BAHCC1: variants seen among roughly 807,000 people sequenced by gnomAD.
The protein encoded by BAHCC1 is BAH domain and coiled-coil containing 1, also known as BAH and coiled-coil domain-containing protein 1.
BAHCC1 carries 43 observed loss-of-function variants against 88.2 expected under a neutral mutation model. That is an observed-to-expected ratio of 0.49 (90% CI 0.38 to 0.63). BAHCC1 has a LOEUF of 0.63. Ranked by LOEUF, BAHCC1 falls within the 20% of genes least tolerant of loss-of-function variation. BAHCC1 has a pLI of 0.00. For synonymous variants in BAHCC1, 1,510 were observed against 745.5 expected, an observed-to-expected ratio of 2.03 and a Z score of -16.71; for missense variants, 3,023 against 1,654.8, an observed-to-expected ratio of 1.83 and a Z score of -14.34.
At chr17:81,438,924 C>G (rs868973187) in intron 4 of BAHCC1, among the ~76,000 whole-genome samples, 1 of 152,156 alleles carries the variant, frequency 6.6e-6, no homozygotes, top group African/African-American at 2.4e-5. Flanking sequence ...CTTACACACC[C>G]GGTGGCCTCG....
Position 81,434,354 on chromosome 17 carries a change from C to T in BAHCC1, c.359-4016C>T, listed in dbSNP as rs915617528. On this transcript the variant is annotated intron_variant, in intron 3 of 27. Coordinates refer to ENST00000675386, the MANE Select transcript of BAHCC1 (RefSeq NM_001377448.1). This position sits in a 1 kb window ranked among gnomAD's most constrained non-coding sequence, Gnocchi z 4.9. ...GGTGGTACTGCAGTGGGAGACAGGT[C>T]GAGGCTCAGCCGTGGGAGGCCAGCG... Among the ~76,000 whole-genome samples the T allele has an allele frequency of 1.3e-5, 2 of 152,140 alleles. No individual in the cohort carries two copies. Among genetic ancestry groups the T allele is most frequent in the Non-Finnish European group, 2.9e-5 (2 of 68,008 alleles).
At chr17:81,428,925 CCTGGCGTCTGGGCCT>C (rs1181286739) in intron 3 of BAHCC1, among the ~76,000 whole-genome samples, 3 of 152,226 alleles carry the variant, frequency 2.0e-5, no homozygotes, top group Non-Finnish European at 4.4e-5. Flanking sequence ...GACGTGAGCC[CCTGGCGTCTGGGCCT>C]CTGAGCCCCT....
rs555447376 is a variant in BAHCC1 at position 81,435,164 on chromosome 17, C to T, written c.359-3206C>T. Among the ~76,000 whole-genome samples the T allele has an allele frequency of 3.8e-4, 58 of 152,218 alleles. No homozygotes were observed. In the South Asian group the frequency reaches 0.011, roughly 29 times the overall value. ...GCCCACACCACAGGCCTCCTACCTGCAACCCTTGACCTCCCCAGACGTGGT... is the reference window on the plus strand; with the variant it reads ...GCCCACACCACAGGCCTCCTACCTGTAACCCTTGACCTCCCCAGACGTGGT... On this transcript the variant is annotated intron_variant, in intron 3 of 27. Coordinates refer to ENST00000675386, the MANE Select transcript of BAHCC1 (RefSeq NM_001377448.1). The surrounding 1 kb of genome is among the most constrained non-coding windows in gnomAD (Gnocchi z 4.4).
At chr17:81,409,357 TCCTGTCCC>T (rs1555647382) in intron 2 of BAHCC1, among the ~76,000 whole-genome samples, 7 of 152,140 alleles carry the variant, frequency 4.6e-5, no homozygotes, top group African/African-American at 7.2e-5. Flanking sequence ...GGGGTGGGGC[TCCTGTCCC>T]CCGAAGGCTG....
Position 81,459,322 on chromosome 17 carries a change from G to A in BAHCC1, c.5790G>A (p.Gln1930=). The stretch of plus-strand genomic sequence containing the variant: ...TCTACTCACTGGAGCAGCTGCTGCA[G>A]GAAGCGGTGAGGACCGGGCCGGCCC... ...QRIYSLEQLL[Q]EAVLDVRPQS... Residue 1930 remains glutamine, a synonymous_variant, in exon 22 of 28, where the codon CAG becomes CAA. Transcript: ENST00000675386. The A allele has an allele frequency of 1.3e-6, 1 of 778,982 alleles. No homozygotes were observed. The highest frequency in any genetic ancestry group is 2.4e-5 in the East Asian group (1 of 41,210). The allele number at this position is 778,982 out of a possible 1,614,324, so 48.3% of individuals were successfully genotyped here.
At chr17:81,428,455 G>A (rs2064225172) in intron 3 of BAHCC1, among the ~76,000 whole-genome samples, 1 of 152,188 alleles carries the variant, frequency 6.6e-6, no homozygotes, top group African/African-American at 2.4e-5. Context: ...AGCCACAGGT[G>A]CACAGATCCA....
intron 2 of BAHCC1, among the ~76,000 whole-genome samples, chr17:81,410,423 G>A (rs542663570): frequency 4.2e-4 from 64 of 152,358 alleles, no homozygotes; most frequent in African/African-American, 1.4e-3. Context: ...CTGGGCCCTT[G>A]GCTCCTGTGC....
At chr17:81,428,081 G>A (rs1416622168) in intron 3 of BAHCC1, among the ~76,000 whole-genome samples, 1 of 152,188 alleles carries the variant, frequency 6.6e-6, no homozygotes, top group Non-Finnish European at 1.5e-5. Context: ...TGGGTGCAGG[G>A]GAGGCCGCTA....
Position 81,445,571 on chromosome 17 carries a change from T to C in BAHCC1, c.3053T>C (p.Leu1018Ser). The C allele has an allele frequency of 1.4e-6, 1 of 724,192 alleles. No individual in the cohort carries two copies. The highest frequency in any genetic ancestry group is 2.6e-6 in the Non-Finnish European group (1 of 389,744). 44.9% of individuals were successfully genotyped at this position (724,192 alleles called of 1,614,324 possible). The change falls in exon 10 of 28, where the codon TTA becomes TCA. Residue 1018 changes from leucine to serine, a missense_variant. By Grantham distance (145) the Leu-to-Ser change is moderately radical (BLOSUM62 -2). Transcript: ENST00000675386. The part of the protein sequence containing the change: ...PPPRPSAPCT[L>S]NVCPASSPGP... ...CCTCGGCCCAGCGCCCCGTGCACTT[T>C]AAATGTCTGCCCTGCCAGCAGCCCC...
Position 81,411,518 on chromosome 17 carries a change from T to TGCCTTCCTG in BAHCC1, c.178+11601_178+11602insGCCTTCCTG, listed in dbSNP as rs1567998085. 1 of 81,700 alleles carries TGCCTTCCTG rather than the reference T, an allele frequency of 1.2e-5. No individual in the cohort carries two copies. The highest frequency in any genetic ancestry group is 2.4e-5 in the Non-Finnish European group (1 of 42,216). The allele number at this position is 81,700 out of a possible 1,614,324, so 5.1% of individuals were successfully genotyped here. A position where few individuals can be genotyped will look rare whatever the true frequency, so the allele number is the denominator to read the frequency against. The stretch of plus-strand genomic sequence containing the variant: ...TGCCTGCCTGCCTGCCTGCCTGCCT[T>TGCCTTCCTG]CCTTCCTTCCTTCCTTCCTTCCTTC... On this transcript the variant is annotated intron_variant, in intron 2 of 27. Coordinates refer to ENST00000675386, the MANE Select transcript of BAHCC1 (RefSeq NM_001377448.1). The surrounding 1 kb of genome is among the most constrained non-coding windows in gnomAD (Gnocchi z 6.2).
chr17:81,439,617 G>A (rs2064384005), intron 4 of BAHCC1, among the ~76,000 whole-genome samples: 1 of 151,918 alleles, frequency 6.6e-6, no homozygotes, highest in Non-Finnish European at 1.5e-5. Context: ...GGCTGTGGGG[G>A]ATGAGAAGGG....
intron 14 of BAHCC1, among the ~76,000 whole-genome samples, chr17:81,454,504 G>T (rs1311723878): frequency 1.3e-5 from 2 of 152,110 alleles, no homozygotes; most frequent in Non-Finnish European, 2.9e-5. Flanking sequence ...GGTCCCTGGG[G>T]ACTCAGGGGA....
At chr17:81,444,085 C>T (rs1292936677) in intron 6 of BAHCC1, 168 bp downstream of exon 6, 8 of 609,112 alleles carry the variant, frequency 1.3e-5, no homozygotes, top group East Asian at 2.7e-5. Flanking sequence ...GAGTCTCACC[C>T]GGGGTTGGGG....
At chr17:81,413,488 C>T (rs1567999293) in intron 2 of BAHCC1, among the ~76,000 whole-genome samples, 1 of 152,182 alleles carries the variant, frequency 6.6e-6, no homozygotes, top group Non-Finnish European at 1.5e-5. Context: ...CTGGGCTGTC[C>T]CCTCCGCAGC....
intron 11 of BAHCC1, among the ~76,000 whole-genome samples, chr17:81,449,657 G>A (rs1252864186): frequency 2.0e-5 from 3 of 151,878 alleles, no homozygotes; most frequent in African/African-American, 4.8e-5. Context: ...GGCTGCTGAT[G>A]GCAGCAGCTG....
rs561802835 is a variant in BAHCC1 at position 81,452,835 on chromosome 17, G to A, written c.4429G>A (p.Asp1477Asn). 55 of 746,472 alleles carry A rather than the reference G, an allele frequency of 7.4e-5. No homozygotes were observed. Among genetic ancestry groups the A allele is most frequent in the African/African-American group, 3.2e-4 (18 of 56,704 alleles). The allele number at this position is 746,472 out of a possible 1,614,324, so 46.2% of individuals were successfully genotyped here. Residue 1477 changes from aspartate to asparagine, a missense_variant, in exon 14 of 28, where the codon GAT becomes AAT. By Grantham distance (23) the Asp-to-Asn change is conservative. Coordinates refer to ENST00000675386, the MANE Select transcript of BAHCC1 (RefSeq NM_001377448.1). ...PRPTGPLPRSDGKKVKAVRTS... is the reference protein window; with the variant it reads ...PRPTGPLPRSNGKKVKAVRTS... ...TCCCACGGGGCCGCTCCCCAGGAGC[G>A]ATGGCAAGAAAGTCAAGTGAGTCCT...
At chr17:81,425,751 T>G (rs1555650373) in intron 2 of BAHCC1, among the ~76,000 whole-genome samples, 5 of 36,672 alleles carry the variant, frequency 1.4e-4, no homozygotes, top group South Asian at 9.4e-4. Flanking sequence ...GTGGTTGGTG[T>G]GATGTGGTTG....
chr17:81,456,464 G>A lies in BAHCC1; in HGVS notation c.4737G>A (p.Leu1579=). ...ATPGGRIREK[L]SRAKSAKVSG... ...CCGGGGGGCGCATCCGGGAGAAGCT[G>A]TCCCGAGCCAAGAGTGCCAAGGTGT... Residue 1579 remains leucine (L), a synonymous_variant, in exon 16 of 28, where the codon CTG becomes CTA. Coordinates refer to ENST00000675386, the MANE Select transcript of BAHCC1 (RefSeq NM_001377448.1). 1 of 721,788 alleles carries A rather than the reference G, an allele frequency of 1.4e-6. No homozygotes were observed. The highest frequency in any genetic ancestry group is 2.7e-5 in the East Asian group (1 of 37,612). 44.7% of individuals were successfully genotyped at this position (721,788 alleles called of 1,614,324 possible).
rs546203067 is a variant in BAHCC1, at chr17:81,415,310, C to G, written c.179-11490C>G. 2.2e-4 allele frequency among the ~76,000 whole-genome samples: 34 copies of G among 152,372 alleles called. No individual in the cohort carries two copies. The South Asian group carries it at 6.4e-3, about 29-fold the overall frequency. On this transcript the variant is annotated intron_variant, in intron 2 of 27. Coordinates refer to ENST00000675386, the MANE Select transcript of BAHCC1 (RefSeq NM_001377448.1). ...AGCCTCTTGGGGTCGCAGCAGGGTG[C>G]TGCCTGGAGGGGAGTTCCAAGGGGG...
Sources: gnomAD v4.1 joint callset for allele counts (sites outside exome capture counted in the v4.1 genomes callset) on GRCh38, gnomAD v4.1.1 for gene constraint, Gnocchi (gnomAD v3.1) non-coding constraint, MANE v1.5 for transcripts, NCBI Gene and HGNC (gene_info 2026-07-23, HGNC 2026-07-21) for gene names.